Variants in ST7 observed in about 807,000 individuals in gnomAD.
ST7 encodes the protein suppressor of tumorigenicity 7 protein.
A neutral mutation model predicts 78.7 loss-of-function variants in ST7; 28 were observed. That is an observed-to-expected ratio of 0.36 (90% CI 0.26 to 0.49). The LOEUF (loss-of-function observed/expected upper bound fraction) is 0.49. Ranked by LOEUF, ST7 falls within the 20% of genes least tolerant of loss-of-function variation. The probability of loss-of-function intolerance (pLI) is 0.99; values close to 1 mark genes in which losing one functional copy is unlikely to be tolerated. For synonymous variants in ST7, 247 were observed against 249.6 expected, an observed-to-expected ratio of 0.99 and a Z score of 0.10; for missense variants, 418 against 696.0, an observed-to-expected ratio of 0.60 and a Z score of 4.49.
At chr7:117,021,421 GAC>G (rs1417075221) in intron 1 of ST7, among the ~76,000 whole-genome samples, 2 of 152,206 alleles carry the variant, frequency 1.3e-5, no homozygotes, top group Admixed American at 6.5e-5. Context: ...TAGCAAAAAT[GAC>G]AGTTAAGAAT....
At chr7:117,128,553 C>T in intron 3 of ST7, among the ~76,000 whole-genome samples, 1 of 151,810 alleles carries the variant, frequency 6.6e-6, no homozygotes, top group East Asian at 1.9e-4. Context: ...AAGTGGGATC[C>T]TGCCCTAATT....
At chr7:117,159,258 T>TC (rs1199068654) in intron 9 of ST7, among the ~76,000 whole-genome samples, 1 of 152,174 alleles carries the variant, frequency 6.6e-6, no homozygotes, top group Non-Finnish European at 1.5e-5. Flanking sequence ...AATGTTAACC[T>TC]CAGAAGTGCC....
chr7:117,147,429 A>G (rs2117131884), intron 9 of ST7, among the ~76,000 whole-genome samples: 1 of 152,240 alleles, frequency 6.6e-6, no homozygotes. Context: ...ATGCCCATGT[A>G]TCTCAGTACT....
At chr7:116,958,145 A>G (rs1473497476) in intron 1 of ST7, among the ~76,000 whole-genome samples, 1 of 144,246 alleles carries the variant, frequency 6.9e-6, no homozygotes, top group African/African-American at 2.6e-5. Flanking sequence ...ACAGGTGCAC[A>G]CCACAGTGCG....
chr7:117,121,466 A>T (rs1803356826), intron 3 of ST7, among the ~76,000 whole-genome samples: 1 of 152,224 alleles, frequency 6.6e-6, no homozygotes, highest in Admixed American at 6.5e-5. Flanking sequence ...TAAAATCTGG[A>T]ACAAAATTTA....
chr7:117,010,156 G>C (rs1161732495), intron 1 of ST7, among the ~76,000 whole-genome samples: 2 of 152,228 alleles, frequency 1.3e-5, no homozygotes, highest in African/African-American at 4.8e-5. Flanking sequence ...TAGGTAGCTA[G>C]TAACTAGTCT....
At chr7:117,066,499 C>T (rs531069332) in intron 1 of ST7, among the ~76,000 whole-genome samples, 6 of 152,142 alleles carry the variant, frequency 3.9e-5, no homozygotes, top group African/African-American at 9.6e-5. Flanking sequence ...TGGTGGCTAA[C>T]GCCTGTAATC....
At chr7:117,164,831 G>T (rs1807414678) in intron 9 of ST7, among the ~76,000 whole-genome samples, 1 of 133,656 alleles carries the variant, frequency 7.5e-6, no homozygotes, top group East Asian at 2.4e-4. Context: ...ACTTAAACTT[G>T]CAGCCTTTAT....
chr7:117,197,099 A>G (rs545470035), intron 12 of ST7, among the ~76,000 whole-genome samples: 2 of 152,228 alleles, frequency 1.3e-5, no homozygotes, highest in East Asian at 1.9e-4. Flanking sequence ...CAATGACACA[A>G]TCATAGCTCA....
At chr7:116,960,731 C>G (rs560842108) in intron 1 of ST7, among the ~76,000 whole-genome samples, 110 of 152,280 alleles carry the variant, frequency 7.2e-4, no homozygotes, top group Middle Eastern at 3.4e-3. Context: ...AGATCTTTGT[C>G]AGATGCAAAG....
intron 9 of ST7, among the ~76,000 whole-genome samples, chr7:117,144,899 GC>G (rs1805628522): frequency 6.6e-6 from 1 of 152,014 alleles, no homozygotes; most frequent in Non-Finnish European, 1.5e-5. Flanking sequence ...AGTAGTGGAT[GC>G]AAAAAAGGTA....
At chr7:116,965,689 G>A (rs1427705600) in intron 1 of ST7, among the ~76,000 whole-genome samples, 3 of 151,768 alleles carry the variant, frequency 2.0e-5, no homozygotes, top group Non-Finnish European at 4.4e-5. Context: ...AGAGTTGAAG[G>A]AACTGTGATT....
At chr7:117,216,361 G>T in intron 13 of ST7, among the ~76,000 whole-genome samples, 1 of 152,028 alleles carries the variant, frequency 6.6e-6, no homozygotes, top group Admixed American at 6.5e-5. Flanking sequence ...TTTTTGTTTT[G>T]TTTTTAACCC....
chr7:117,088,312 G>A (rs765381693), intron 1 of ST7, among the ~76,000 whole-genome samples: 16 of 152,096 alleles, frequency 1.1e-4, no homozygotes, highest in Admixed American at 2.0e-4. Flanking sequence ...TGTCTCAAGG[G>A]TAGGATCAGT....
intron 1 of ST7, among the ~76,000 whole-genome samples, chr7:117,002,671 A>T (rs892993142): frequency 7.9e-5 from 8 of 101,494 alleles, no homozygotes; most frequent in African/African-American, 2.1e-4. Context: ...GTGTGTTTGT[A>T]TGTATGTGTG....
chr7:117,207,106 C>A (rs1277196079), intron 12 of ST7, among the ~76,000 whole-genome samples: 1 of 152,014 alleles, frequency 6.6e-6, no homozygotes, highest in Non-Finnish European at 1.5e-5. Context: ...TCTTCCCCTC[C>A]CCTGCCAGGT....
At chr7:117,093,068 C>T (rs1043007620) in intron 1 of ST7, among the ~76,000 whole-genome samples, 2 of 152,090 alleles carry the variant, frequency 1.3e-5, no homozygotes, top group African/African-American at 4.8e-5. Context: ...AGGCAGTAAT[C>T]GGAGATTTAG....
intron 1 of ST7, among the ~76,000 whole-genome samples, chr7:116,984,730 A>G (rs574035584): frequency 6.6e-5 from 10 of 152,212 alleles, no homozygotes; most frequent in Non-Finnish European, 1.5e-4. Flanking sequence ...TGCCCAACAC[A>G]TGTGCAGAGT....
chr7:117,123,989 A>T (rs962748685), intron 3 of ST7, among the ~76,000 whole-genome samples: 2 of 152,130 alleles, frequency 1.3e-5, no homozygotes, highest in Non-Finnish European at 2.9e-5. Flanking sequence ...CTTCATAAGT[A>T]TATATGTATA....
Sources: allele counts gnomAD v4.1 joint callset (sites outside exome capture counted in the v4.1 genomes callset), GRCh38; gene constraint gnomAD v4.1.1; transcripts MANE v1.5; gene names NCBI Gene and HGNC (gene_info 2026-07-23, HGNC 2026-07-21).